The following KIF15 variants were observed in gnomAD, a reference collection of about 807,000 sequenced individuals.
KIF15 encodes the protein kinesin family member 15.
A neutral mutation model predicts 190.6 loss-of-function variants in KIF15; 140 were observed. The ratio of observed to expected loss-of-function variants is 0.73; its 90% confidence interval spans 0.64 to 0.84. The LOEUF (loss-of-function observed/expected upper bound fraction) is 0.84. Ranked by LOEUF, KIF15 falls within the 40% of genes least tolerant of loss-of-function variation. The pLI, the probability that KIF15 is intolerant of heterozygous loss-of-function variation, is 0.00. For missense variants in KIF15, 1,372 were observed against 1,584.4 expected, an observed-to-expected ratio of 0.87 and a Z score of 2.28; for synonymous variants, 528 against 551.3, an observed-to-expected ratio of 0.96 and a Z score of 0.59.
At chr3:44,840,033 A>G (rs1191991994) in intron 27 of KIF15, among the ~76,000 whole-genome samples, 3 of 152,306 alleles carry the variant, frequency 2.0e-5, no homozygotes, top group East Asian at 3.9e-4. Context: ...ATTCCTTTGG[A>G]TATATATCCA....
intron 20 of KIF15, among the ~76,000 whole-genome samples, chr3:44,821,905 C>T (rs1275541992): frequency 2.0e-5 from 3 of 152,332 alleles, no homozygotes; most frequent in South Asian, 2.1e-4. Context: ...GCGGATCACT[C>T]GCGGTTAGGA....
intron 30 of KIF15, 120 bp downstream of exon 30, chr3:44,843,354 G>A: frequency 1.6e-6 from 1 of 639,112 alleles, no homozygotes; most frequent in Non-Finnish European, 2.7e-6. Flanking sequence ...ACTAATCCAG[G>A]AGATGGTCTT....
At chr3:44,798,344 T>A (rs1575606831) in intron 10 of KIF15, among the ~76,000 whole-genome samples, 1 of 151,154 alleles carries the variant, frequency 6.6e-6, no homozygotes, top group Non-Finnish European at 1.5e-5. Flanking sequence ...TTTATTTTTT[T>A]AATTTTTATT....
chr3:44,827,023 G>A, intron 22 of KIF15: 1 of 456,488 alleles, frequency 2.2e-6, no homozygotes. Flanking sequence ...TGAACGTAGA[G>A]CTTACATCCA....
intron 26 of KIF15, among the ~76,000 whole-genome samples, chr3:44,833,562 T>C (rs570139032): frequency 6.6e-6 from 1 of 152,142 alleles, no homozygotes; most frequent in East Asian, 1.9e-4. Context: ...TCTGTGAGAA[T>C]CTAATGCTGC....
intron 6 of KIF15, chr3:44,862,165 G>A (rs1699263079): frequency 1.1e-5 from 2 of 174,042 alleles, no homozygotes; most frequent in Admixed American, 6.9e-5. Flanking sequence ...GGGCGGGCGG[G>A]GCGCCGCTGG....
intron 24 of KIF15, 135 bp downstream of exon 24, chr3:44,828,435 C>T (rs1697797247): frequency 1.7e-6 from 1 of 592,000 alleles, no homozygotes; most frequent in East Asian, 2.9e-5. Flanking sequence ...GCAGTTAAGC[C>T]TTGTTCATCC....
At chr3:44,843,691 A>AGTGTGTTTTGGCTTC (rs1358467131) in intron 30 of KIF15, among the ~76,000 whole-genome samples, 1 of 152,054 alleles carries the variant, frequency 6.6e-6, no homozygotes, top group Non-Finnish European at 1.5e-5. Context: ...CATCTCTCTG[A>AGTGTGTTTTGGCTTC]GTGTGTTTTG....
chr3:44,819,628 T>G (rs1350967024), intron 20 of KIF15, among the ~76,000 whole-genome samples: 1 of 151,902 alleles, frequency 6.6e-6, no homozygotes, highest in African/African-American at 2.4e-5. Context: ...GTGATTTCTG[T>G]TTTTTTTACA....
At chr3:44,785,550 T>G (rs1706363535) in intron 6 of KIF15, among the ~76,000 whole-genome samples, 1 of 152,220 alleles carries the variant, frequency 6.6e-6, no homozygotes, top group African/African-American at 2.4e-5. Context: ...ACCATTAGTG[T>G]TTTATGTTCC....
intron 32 of KIF15, among the ~76,000 whole-genome samples, chr3:44,851,275 G>T (rs1699049912): frequency 6.6e-6 from 1 of 152,142 alleles, no homozygotes; most frequent in Non-Finnish European, 1.5e-5. Flanking sequence ...CTAAAGGGGG[G>T]TGGGGGGTGA....
At chr3:44,809,649 A>G (rs1707696508) in intron 16 of KIF15, among the ~76,000 whole-genome samples, 1 of 152,032 alleles carries the variant, frequency 6.6e-6, no homozygotes. Flanking sequence ...GTTCAAGACC[A>G]GCTTGGGCAA....
In KIF15 at chr3:44,828,300, G is replaced by C; in HGVS notation, c.2943G>C (p.Lys981Asn). 6.2e-7 allele frequency: 1 copy of C among 1,601,824 alleles called. No individual in the cohort carries two copies. Among genetic ancestry groups the C allele is most frequent in the Non-Finnish European group, 8.6e-7 (1 of 1,169,032 alleles). ...TGGAAAAGTCTAGAGATTCTGATAA[G>C]GTTGGTAGAGTTTGAAGCTACATCT... ...SSLEKSRDSDKKVVADLMNQI... is the reference protein window; with the variant it reads ...SSLEKSRDSDNKVVADLMNQI... Residue 981 changes from lysine (K) to asparagine (N), a missense_variant and splice_region_variant, in exon 24 of 35, where the codon AAG becomes AAC. Coordinates refer to ENST00000326047, the MANE Select transcript of KIF15 (RefSeq NM_020242.3).
intron 2 of KIF15, among the ~76,000 whole-genome samples, chr3:44,774,747 G>A (rs1167304463): frequency 6.6e-6 from 1 of 152,202 alleles, no homozygotes; most frequent in African/African-American, 2.4e-5. Flanking sequence ...AAAGGGATGT[G>A]AAGGTGCCTA....
At position 44,813,165 on chromosome 3, in the gene KIF15, C is replaced by A; in HGVS notation, c.2368C>A (p.Gln790Lys). Residue 790 changes from glutamine to lysine, a missense_variant, in exon 19 of 35, where the codon CAA becomes AAA. Physicochemically the swap from Gln to Lys is moderately conservative, Grantham distance 53. Transcript: ENST00000326047. ...NVLEKQLQET[Q>K]TKNDFLKSEV... ...CCTTGAAAAGCAGCTTCAAGAGACT[C>A]AAACTAAAAATGACTGTAAGTTATT... 1.3e-6 allele frequency: 2 copies of A among 1,592,576 alleles called. No individual in the cohort carries two copies. The highest frequency in any genetic ancestry group is 1.1e-5 in the South Asian group (1 of 87,844).
At chr3:44,792,888 A>G (rs2125925479) in intron 7 of KIF15, among the ~76,000 whole-genome samples, 1 of 152,268 alleles carries the variant, frequency 6.6e-6, no homozygotes, top group East Asian at 1.9e-4. Context: ...GCACTGTGCT[A>G]ACTTCTTTTG....
At chr3:44,843,263 G>C (rs1698694555) in intron 30 of KIF15, 29 bp downstream of exon 30, 1 of 1,472,520 alleles carries the variant, frequency 6.8e-7, no homozygotes, top group East Asian at 2.3e-5. Context: ...AACTCTATGG[G>C]CTAAATCTTG....
chr3:44,818,747 G>T (rs1708136810), intron 20 of KIF15, among the ~76,000 whole-genome samples: 1 of 152,174 alleles, frequency 6.6e-6, no homozygotes. Context: ...TCAGGATGAT[G>T]CTGGCCTCAT....
chr3:44,805,739 T>C, intron 15 of KIF15, 106 bp from the exon 16 acceptor site: 1 of 1,007,720 alleles, frequency 9.9e-7, no homozygotes, highest in Non-Finnish European at 1.5e-6. Context: ...ATATCTCTGA[T>C]TTAGAGATAA....
Sources: allele counts gnomAD v4.1 joint callset (sites outside exome capture counted in the v4.1 genomes callset), GRCh38; gene constraint gnomAD v4.1.1; transcripts MANE v1.5; gene names NCBI Gene and HGNC (gene_info 2026-07-23, HGNC 2026-07-21).